NIPA1: variants seen among roughly 807,000 people sequenced by gnomAD.
NIPA1 encodes NIPA magnesium transporter 1.
NIPA1 carries 13 observed loss-of-function variants against 23.9 expected under a neutral mutation model. That is an observed-to-expected ratio of 0.54 (90% confidence interval 0.35 to 0.87). NIPA1 has a LOEUF of 0.87. NIPA1 is among the 40% of genes least tolerant of loss of function. The probability of loss-of-function intolerance (pLI) is 0.01; values close to 1 mark genes in which losing one functional copy is unlikely to be tolerated. For missense variants in NIPA1, 362 were observed against 429.7 expected, an observed-to-expected ratio of 0.84 and a Z score of 1.39; for synonymous variants, 234 against 202.9, an observed-to-expected ratio of 1.15 and a Z score of -1.30.
intron 1 of NIPA1, among the ~76,000 whole-genome samples, chr15:22,801,770 C>T (rs1420607106): frequency 6.6e-6 from 1 of 152,048 alleles, no homozygotes; most frequent in Non-Finnish European, 1.5e-5. Flanking sequence ...ATGCCTTGGC[C>T]TCCCAAAGTG....
intron 2 of NIPA1, among the ~76,000 whole-genome samples, chr15:22,811,896 AG>A (rs1895324564): frequency 6.6e-6 from 1 of 152,216 alleles, no homozygotes; most frequent in South Asian, 2.1e-4. Context: ...AGATATGCCC[AG>A]TGCTGCGCCC....
rs759190691 is a variant in NIPA1 at position 22,823,927 on chromosome 15, C to G, written c.678C>G (p.Ala226=). The G allele has an allele frequency of 6.2e-7, 1 of 1,613,988 alleles. No homozygotes were observed. ...ILHNNPSSQR[A]LCLCLVLLAV... ...ATAACAACCCGTCCAGTCAGAGAGC[C>G]CTCTGCCTGTGCCTGGTACTCCTGG... The change falls in exon 5 of 5, where the codon GCC becomes GCG. Residue 226 remains alanine, a synonymous_variant. Transcript: ENST00000337435.
rs746846799 is a variant in NIPA1 at position 22,826,960 on chromosome 15, T to TA, written c.*2727dup. On this transcript the variant is annotated 3_prime_UTR_variant, in exon 5 of 5. Transcript: ENST00000337435. ...ACTTCTGATTTGATAGTATTTATTT[T>TA]AAAAAATTATGTTTTCATCATTCAT... 1.5e-4 allele frequency: 23 copies of TA among 152,240 alleles called. No homozygotes were observed. The highest frequency in any genetic ancestry group is 3.1e-4 in the Non-Finnish European group (21 of 68,020). The allele number at this position is 152,240 out of a possible 1,614,324, so 9.4% of individuals were successfully genotyped here.
chr15:22,797,305 G>A (rs1894958830), intron 1 of NIPA1, among the ~76,000 whole-genome samples: 2 of 151,944 alleles, frequency 1.3e-5, no homozygotes, highest in African/African-American at 4.8e-5. Context: ...TGTCTCCCGG[G>A]TTCACACCAT....
intron 1 of NIPA1, among the ~76,000 whole-genome samples, chr15:22,805,922 C>CTTAT (rs1012627028): frequency 2.6e-5 from 4 of 151,346 alleles, no homozygotes; most frequent in African/African-American, 4.8e-5. Flanking sequence ...TTTTTTTTTA[C>CTTAT]TTATTTATTT....
Position 22,786,671 on chromosome 15 carries a change from TGCGGCAGCGGCGGCGGCGGCGGCGGCG to T in NIPA1, c.21_47del (p.Ala8_Ala16del), listed in dbSNP as rs1894707658. On this transcript the variant is annotated inframe_deletion, in exon 1 of 5. Coordinates refer to ENST00000337435, the MANE Select transcript of NIPA1 (RefSeq NM_144599.5). ...GCGCGGGCGGAATGGGGACTGCAGC[TGCGGCAGCGGCGGCGGCGGCGGCGGCG>T]GCGGCCGGGGAGGGGGCGCGTAGCC... 9.4e-6 allele frequency: 10 copies of T among 1,065,914 alleles called. 1 individual carries two copies. The highest frequency in any genetic ancestry group is 1.1e-5 in the Non-Finnish European group (10 of 883,544). 66.0% of individuals were successfully genotyped at this position (1,065,914 alleles called of 1,614,324 possible).
chr15:22,787,208 A>C (rs1033280489), intron 1 of NIPA1, among the ~76,000 whole-genome samples: 1 of 152,062 alleles, frequency 6.6e-6, no homozygotes, highest in Non-Finnish European at 1.5e-5. Context: ...CGTGGCCCGC[A>C]ACCCGCGGCC....
intron 1 of NIPA1, among the ~76,000 whole-genome samples, chr15:22,808,708 C>G (rs989337418): frequency 2.1e-5 from 2 of 95,210 alleles, no homozygotes; most frequent in African/African-American, 9.4e-5. Flanking sequence ...CTCACTCTAT[C>G]ACCCAGGCTG....
intron 3 of NIPA1, chr15:22,813,810 G>A (rs1045829685): frequency 2.7e-5 from 11 of 403,296 alleles, no homozygotes; most frequent in African/African-American, 2.3e-4. Context: ...GCTATCATGT[G>A]TGGCTTGGTG....
chr15:22,810,789 A>T lies in NIPA1; in HGVS notation c.219A>T (p.Thr73=). The T allele has an allele frequency of 3.7e-6, 6 of 1,608,920 alleles. No homozygotes were observed. The highest frequency in any genetic ancestry group is 5.1e-6 in the Non-Finnish European group (6 of 1,175,232). ...YLTDIVWWAG[T]IAMAVGQIGN... ...CAGACATTGTGTGGTGGGCTGGCAC[A>T]ATCGCAAGTAAGTAGCCTGTGTGGC... is the stretch of plus-strand genomic sequence containing the variant. The change falls in exon 2 of 5, where the codon ACA becomes ACT. Residue 73 remains threonine, a synonymous_variant. Transcript: ENST00000337435.
intron 3 of NIPA1, among the ~76,000 whole-genome samples, chr15:22,819,990 T>C (rs1479549249): frequency 1.3e-5 from 2 of 152,168 alleles, no homozygotes. Flanking sequence ...GCCCAGGAGT[T>C]TGAGACTTGC....
intron 4 of NIPA1, among the ~76,000 whole-genome samples, chr15:22,822,693 C>T (rs1473245048): frequency 1.3e-5 from 2 of 151,808 alleles, no homozygotes; most frequent in Admixed American, 6.6e-5. Context: ...GGCGTGGTGG[C>T]GGGTGCTTAT....
rs144606232 is a variant in NIPA1 at position 22,803,171 on chromosome 15, G to A, written c.179-7578G>A. On this transcript the variant is annotated intron_variant, in intron 1 of 4. Coordinates refer to ENST00000337435, the MANE Select transcript of NIPA1 (RefSeq NM_144599.5). ...GGGATTTCACTATGTTGGCCAGGCTGGTCTCAAACTCCTGACCGCGGGTGA... is the reference window on the plus strand; with the variant it reads ...GGGATTTCACTATGTTGGCCAGGCTAGTCTCAAACTCCTGACCGCGGGTGA... Among the ~76,000 whole-genome samples the A allele has an allele frequency of 1.7e-3, 257 of 152,040 alleles. 4 individuals are homozygous for A. The East Asian group carries it at 0.033, about 19-fold the overall frequency.
At chr15:22,815,269 A>T (rs2086569327) in intron 3 of NIPA1, among the ~76,000 whole-genome samples, 1 of 152,016 alleles carries the variant, frequency 6.6e-6, no homozygotes, top group African/African-American at 2.4e-5. Context: ...TATCAAATCA[A>T]CCTCCATATT....
intron 1 of NIPA1, among the ~76,000 whole-genome samples, chr15:22,787,422 G>A (rs1300389282): frequency 2.0e-5 from 3 of 152,320 alleles, no homozygotes; most frequent in Non-Finnish European, 4.4e-5. Flanking sequence ...GTGCTCTTAC[G>A]GAGCCCGCTG....
chr15:22,798,090 C>T (rs1304086393), intron 1 of NIPA1, among the ~76,000 whole-genome samples: 1 of 150,070 alleles, frequency 6.7e-6, no homozygotes, highest in Non-Finnish European at 1.5e-5. Flanking sequence ...CTTGTGATCC[C>T]CCCGCCTCAG....
At chr15:22,812,007 C>T (rs1895326905) in intron 2 of NIPA1, among the ~76,000 whole-genome samples, 156 bp from the exon 3 acceptor site, 1 of 152,198 alleles carries the variant, frequency 6.6e-6, no homozygotes, top group South Asian at 2.1e-4. Context: ...GACCCCTGAC[C>T]CCTTAAATGT....
chr15:22,813,035 A>G (rs1743880172), intron 3 of NIPA1, among the ~76,000 whole-genome samples: 2 of 152,178 alleles, frequency 1.3e-5, no homozygotes, highest in Non-Finnish European at 2.9e-5. Context: ...AATAGGATTT[A>G]TGACTGACGC....
At position 22,828,280 on chromosome 15, in the gene NIPA1, A is replaced by G. The variant is rs1895691143; in HGVS notation, c.*4041A>G. ...ATAGGTTTTACTCATATTCATAGGT[A>G]GATTCTGTTAATGTGAGTTGGAAAG... On this transcript the variant is annotated 3_prime_UTR_variant, in exon 5 of 5. Coordinates refer to ENST00000337435, the MANE Select transcript of NIPA1 (RefSeq NM_144599.5). 6.6e-6 allele frequency: 1 copy of G among 152,590 alleles called. No individual in the cohort carries two copies. Among genetic ancestry groups the G allele is most frequent in the African/African-American group, 2.4e-5 (1 of 41,436 alleles). The allele number at this position is 152,590 out of a possible 1,614,324, so 9.5% of individuals were successfully genotyped here.
Sources: allele counts gnomAD v4.1 joint callset (sites outside exome capture counted in the v4.1 genomes callset), GRCh38; gene constraint gnomAD v4.1.1; transcripts MANE v1.5; gene names NCBI Gene and HGNC (gene_info 2026-07-23, HGNC 2026-07-21).